TMEM268: variants seen among roughly 807,000 people sequenced by gnomAD.
The protein encoded by TMEM268 is transmembrane protein C9orf91.
Under a neutral mutation model 39.1 loss-of-function variants are expected in TMEM268, and 24 were observed. The ratio of observed to expected loss-of-function variants is 0.61; its 90% CI spans 0.44 to 0.86. The LOEUF is 0.86. Among genes scored for constraint, TMEM268 ranks in the 40% least tolerant of loss-of-function variants. TMEM268 has a pLI of 0.00. For missense variants in TMEM268, 409 were observed against 428.6 expected (o/e 0.95, Z 0.40); for synonymous variants, 176 against 173.5 (o/e 1.01, Z -0.12).
At chr9:114,626,414 G>A (rs1463802348) in intron 3 of TMEM268, among the ~76,000 whole-genome samples, 1 of 152,212 alleles carries the variant, frequency 6.6e-6, no homozygotes, top group Non-Finnish European at 1.5e-5. Flanking sequence ...TATTGATAGT[G>A]GCAACTCTAT....
chr9:114,628,916 T>TGTCTCTCAGTACATATG (rs1485076449), intron 5 of TMEM268, among the ~76,000 whole-genome samples: 5 of 152,358 alleles, frequency 3.3e-5, no homozygotes, highest in African/African-American at 1.2e-4. Flanking sequence ...TGTCTTTTGA[T>TGTCTCTCAGTACATATG]ATGTACTGAG....
At chr9:114,624,144 T>G (rs1454400693) in intron 2 of TMEM268, 30 of 1,112,696 alleles carry the variant, frequency 2.7e-5, no homozygotes, top group Non-Finnish European at 3.4e-5. Flanking sequence ...AGGAGCCTCC[T>G]CCCTCTGGCC....
At chr9:114,622,582 A>C in intron 2 of TMEM268, 25 of 876,630 alleles carry the variant, frequency 2.9e-5, no homozygotes, top group South Asian at 5.2e-5. Flanking sequence ...AGCTGGTCTC[A>C]TGGTCTGGCT....
At chr9:114,606,846 CAT>C (rs892039978), upstream of TMEM268, among the ~76,000 whole-genome samples, 3 of 141,622 alleles carry the variant, frequency 2.1e-5, no homozygotes, top group African/African-American at 8.0e-5. Flanking sequence ...ATAACTGGCA[CAT>C]GAGCTCCAAA....
intron 8 of TMEM268, among the ~76,000 whole-genome samples, chr9:114,642,303 T>G (rs1358788084): frequency 2.0e-5 from 3 of 152,230 alleles, no homozygotes; most frequent in Admixed American, 2.0e-4. Context: ...CATGTCCTTT[T>G]GTGATAAACC....
chr9:114,610,561 G>A (rs957654917), upstream of TMEM268, among the ~76,000 whole-genome samples: 1 of 152,132 alleles, frequency 6.6e-6, no homozygotes, highest in Non-Finnish European at 1.5e-5. Flanking sequence ...TGTGCTCTAA[G>A]GAAAAATACA....
At chr9:114,618,140 G>A (rs1473679525) in intron 2 of TMEM268, among the ~76,000 whole-genome samples, 1 of 152,052 alleles carries the variant, frequency 6.6e-6, no homozygotes, top group African/African-American at 2.4e-5. Context: ...GGCTCCCAAA[G>A]TGCTGGGATT....
At chr9:114,617,025 G>A in intron 1 of TMEM268, 93 bp from the exon 2 acceptor site, 1 of 521,958 alleles carries the variant, frequency 1.9e-6, no homozygotes, top group Non-Finnish European at 3.5e-6. Context: ...ACTCTCCCTG[G>A]CCTTTGGTGA....
chr9:114,622,772 G>C (rs746167135), intron 2 of TMEM268, among the ~76,000 whole-genome samples: 7 of 152,160 alleles, frequency 4.6e-5, no homozygotes, highest in African/African-American at 7.2e-5. Context: ...GCTATAACAA[G>C]TTACCACTAA....
At chr9:114,624,325 G>T in intron 2 of TMEM268, 25 bp from the exon 3 acceptor site, 1 of 1,574,610 alleles carries the variant, frequency 6.4e-7, no homozygotes, top group East Asian at 2.3e-5. Flanking sequence ...CACTCAGCCA[G>T]ATGAAGCTTC....
chr9:114,608,663 G>A (rs1686205340), upstream of TMEM268, among the ~76,000 whole-genome samples: 1 of 152,152 alleles, frequency 6.6e-6, no homozygotes, highest in East Asian at 1.9e-4. Context: ...TATCTCTTGA[G>A]GCTCTTGCTC....
At chr9:114,611,715 G>A (rs1845501343) in intron 1 of TMEM268, among the ~76,000 whole-genome samples, 151 bp downstream of exon 1, 1 of 152,138 alleles carries the variant, frequency 6.6e-6, no homozygotes, top group East Asian at 1.9e-4. Flanking sequence ...GCAGCCTGCG[G>A]GGGGTCCTTC....
At chr9:114,634,502 A>G (rs1846544646) in intron 6 of TMEM268, among the ~76,000 whole-genome samples, 2 of 152,058 alleles carry the variant, frequency 1.3e-5, no homozygotes, top group African/African-American at 4.8e-5. Flanking sequence ...AGTGACTAGT[A>G]TGGCGTGGCA....
upstream of TMEM268, among the ~76,000 whole-genome samples, chr9:114,606,962 T>C (rs1382848715): frequency 6.6e-6 from 1 of 152,212 alleles, no homozygotes; most frequent in Non-Finnish European, 1.5e-5. Flanking sequence ...CTCAGTACCA[T>C]CTGCTGCAAC....
chr9:114,633,483 T>C (rs1220827392), intron 5 of TMEM268, among the ~76,000 whole-genome samples: 1 of 152,094 alleles, frequency 6.6e-6, no homozygotes, highest in African/African-American at 2.4e-5. Context: ...TTTTAAACAA[T>C]TTTTTATAGA....
the TMEM268 span, among the ~76,000 whole-genome samples, chr9:114,604,053 A>C: frequency 6.6e-6 from 1 of 151,880 alleles, no homozygotes; most frequent in African/African-American, 2.4e-5. Context: ...GAGAGAGGTT[A>C]AGGAACCAGC....
Position 114,645,962 on chromosome 9 carries a change from A to G in TMEM268, c.*2649A>G, listed in dbSNP as rs550073217. On this transcript the variant is annotated 3_prime_UTR_variant, in exon 9 of 9. Coordinates refer to ENST00000288502, the MANE Select transcript of TMEM268 (RefSeq NM_153045.4). The stretch of plus-strand genomic sequence containing the variant: ...AGTTTTTAAATTTTATTTAATTTTT[A>G]TTTATTTTTTTTTAAATGTAATTTT... The G allele has an allele frequency of 6.6e-6, 1 of 151,950 alleles. No homozygotes were observed. The highest frequency in any genetic ancestry group is 1.5e-5 in the Non-Finnish European group (1 of 67,978). The allele number at this position is 151,950 out of a possible 1,614,324, so 9.4% of individuals were successfully genotyped here. A position where few individuals can be genotyped will look rare whatever the true frequency, so the allele number is the denominator to read the frequency against.
At position 114,645,849 on chromosome 9, in the gene TMEM268, C is replaced by T. The variant is rs1461817158; in HGVS notation, c.*2536C>T. On this transcript the variant is annotated 3_prime_UTR_variant, in exon 9 of 9. Transcript: ENST00000288502. Reference sequence around the variant, plus strand: ...TTTCTCGGCATCTGTGCCTCAGTTTCCTCATTTATAAAATCCCTATGATCT... The same window carrying T: ...TTTCTCGGCATCTGTGCCTCAGTTTTCTCATTTATAAAATCCCTATGATCT... 6.6e-6 allele frequency: 1 copy of T among 152,260 alleles called. No homozygotes were observed. The highest frequency in any genetic ancestry group is 2.4e-5 in the African/African-American group (1 of 41,440). The allele number at this position is 152,260 out of a possible 1,614,324, so 9.4% of individuals were successfully genotyped here.
rs767657249 is a variant in TMEM268 at position 114,633,850 on chromosome 9, C to CAGTGGAAGGATGCCAG, written c.562_577dup (p.Val193GlyfsTer25). The CAGTGGAAGGATGCCAG allele has an allele frequency of 6.1e-5, 97 of 1,603,000 alleles. No homozygotes were observed. The highest frequency in any genetic ancestry group is 8.2e-5 in the Non-Finnish European group (96 of 1,174,988). ...CGGGTGCTGCTGGGGGTGACAGACA[C>CAGTGGAAGGATGCCAG]AGTGGAAGGATGCCAGAGTGTGATT... On this transcript the variant is annotated frameshift_variant, in exon 6 of 9. Coordinates refer to ENST00000288502, the MANE Select transcript of TMEM268 (RefSeq NM_153045.4). LOFTEE classifies it high-confidence loss of function.
Sources: allele counts gnomAD v4.1 joint callset (sites outside exome capture counted in the v4.1 genomes callset), GRCh38; gene constraint gnomAD v4.1.1; transcripts MANE v1.5; gene names NCBI Gene and HGNC (gene_info 2026-07-23, HGNC 2026-07-21).